The following PARD3 variants were observed in gnomAD, a reference collection of about 807,000 sequenced individuals.
PARD3 encodes partitioning defective 3 homolog.
In PARD3, 75 loss-of-function variants were observed where a neutral mutation model predicts 155.4. That is an observed-to-expected ratio of 0.48 (90% CI 0.40 to 0.58). The LOEUF (loss-of-function observed/expected upper bound fraction) is 0.58. Ranked by LOEUF, PARD3 falls within the 20% of genes least tolerant of loss-of-function variation. The probability of loss-of-function intolerance (pLI) is 0.00; values close to 1 mark genes in which losing one functional copy is unlikely to be tolerated. For missense variants in PARD3, 1,642 were observed against 1,721.7 expected (o/e 0.95, Z 0.82); for synonymous variants, 576 against 610.5 (o/e 0.94, Z 0.83).
At chr10:34,506,074 C>A (rs7923471) in intron 3 of PARD3, among the ~76,000 whole-genome samples, 4 of 151,724 alleles carry the variant, frequency 2.6e-5, no homozygotes, top group African/African-American at 9.7e-5. Context: ...CGCGGTGAGC[C>A]GAGATGGCAC....
intron 3 of PARD3, among the ~76,000 whole-genome samples, chr10:34,516,100 G>A (rs2081734092): frequency 1.3e-5 from 2 of 151,990 alleles, no homozygotes; most frequent in Non-Finnish European, 2.9e-5. Context: ...AAGTAGCTGG[G>A]ATTACAGGCA....
intron 2 of PARD3, among the ~76,000 whole-genome samples, chr10:34,686,319 A>G (rs774127286): frequency 9.2e-5 from 14 of 152,066 alleles, no homozygotes; most frequent in Non-Finnish European, 1.8e-4. Context: ...TACATACTCA[A>G]GTTGCTTTTA....
At chr10:34,406,440 C>G (rs1472361762) in intron 5 of PARD3, among the ~76,000 whole-genome samples, 1 of 152,142 alleles carries the variant, frequency 6.6e-6, no homozygotes, top group Non-Finnish European at 1.5e-5. Flanking sequence ...TTTAAGGAAG[C>G]AGAAACCAGT....
At chr10:34,488,067 G>A (rs1252011151) in intron 3 of PARD3, among the ~76,000 whole-genome samples, 1 of 152,006 alleles carries the variant, frequency 6.6e-6, no homozygotes, top group Non-Finnish European at 1.5e-5. Flanking sequence ...TCTCTTACCT[G>A]GGGACTAGCA....
intron 20 of PARD3, among the ~76,000 whole-genome samples, chr10:34,289,684 T>C (rs1470570738): frequency 6.6e-6 from 1 of 152,190 alleles, no homozygotes; most frequent in Non-Finnish European, 1.5e-5. Context: ...TCCTGTCTTA[T>C]TCAGAGCAGA....
At chr10:34,584,829 G>A (rs2087854227) in intron 2 of PARD3, among the ~76,000 whole-genome samples, 1 of 152,058 alleles carries the variant, frequency 6.6e-6, no homozygotes, top group Admixed American at 6.6e-5. Flanking sequence ...TTCGTTACAT[G>A]GAATAAAACA....
chr10:34,338,044 G>A (rs1836384470), intron 16 of PARD3, among the ~76,000 whole-genome samples: 1 of 152,174 alleles, frequency 6.6e-6, no homozygotes, highest in Admixed American at 6.5e-5. Flanking sequence ...CCAAATAACA[G>A]ATAAGAAAGA....
At chr10:34,520,096 A>G (rs963699187) in intron 2 of PARD3, among the ~76,000 whole-genome samples, 1 of 152,182 alleles carries the variant, frequency 6.6e-6, no homozygotes, top group Non-Finnish European at 1.5e-5. Flanking sequence ...AGAAACGCGA[A>G]TGTACAGAAT....
chr10:34,411,747 G>C (rs1466304548), intron 5 of PARD3, among the ~76,000 whole-genome samples: 1 of 143,336 alleles, frequency 7.0e-6, no homozygotes, highest in African/African-American at 3.0e-5. Context: ...TAGATAGATA[G>C]ATAGATAGAT....
At chr10:34,499,731 G>A (rs975504206) in intron 3 of PARD3, among the ~76,000 whole-genome samples, 5 of 152,154 alleles carry the variant, frequency 3.3e-5, no homozygotes, top group Non-Finnish European at 5.9e-5. Flanking sequence ...AAGACCATGC[G>A]GCCCTTCCTT....
chr10:34,507,548 C>CAAAAAAAAAAAACAAAAAAAAAAAA (rs772632460), intron 3 of PARD3, among the ~76,000 whole-genome samples: 1 of 42,982 alleles, frequency 2.3e-5, no homozygotes, highest in African/African-American at 1.1e-4. Context: ...ATTAAAAAAA[C>CAAAAAAAAAAAACAAAAAAAAAAAA]AAAAAAAAAA....
At chr10:34,639,121 T>C (rs992270153) in intron 2 of PARD3, among the ~76,000 whole-genome samples, 19 of 152,062 alleles carry the variant, frequency 1.2e-4, no homozygotes, top group Admixed American at 2.6e-4. Context: ...TACACCTGGG[T>C]GCAGTGGCTC....
intron 15 of PARD3, chr10:34,344,372 T>A: frequency 1.3e-6 from 1 of 786,048 alleles, no homozygotes; most frequent in Non-Finnish European, 1.5e-6. Flanking sequence ...AAGCTCTGCC[T>A]CCTGGGTTTA....
At chr10:34,197,190 C>T (rs1233070729) in intron 22 of PARD3, among the ~76,000 whole-genome samples, 4 of 152,170 alleles carry the variant, frequency 2.6e-5, no homozygotes, top group Admixed American at 2.0e-4. Context: ...TAATCTTAAA[C>T]GATCTATCAC....
intron 14 of PARD3, among the ~76,000 whole-genome samples, chr10:34,348,923 A>G (rs143653397): frequency 9.2e-5 from 14 of 152,372 alleles, no homozygotes; most frequent in African/African-American, 2.9e-4. Context: ...GCTGTGTCTA[A>G]TAAGTCATAT....
chr10:34,793,062 C>T (rs1217434041), intron 1 of PARD3, among the ~76,000 whole-genome samples: 1 of 152,166 alleles, frequency 6.6e-6, no homozygotes, highest in Non-Finnish European at 1.5e-5. Context: ...GGTGTGGGCT[C>T]CAGCAGTGGC....
intron 22 of PARD3, among the ~76,000 whole-genome samples, chr10:34,249,010 A>G (rs1315991735): frequency 6.6e-6 from 1 of 152,206 alleles, no homozygotes; most frequent in Non-Finnish European, 1.5e-5. Flanking sequence ...AGATATTTAT[A>G]TTGGTGGCTC....
chr10:34,629,255 A>G (rs531586696), intron 2 of PARD3, among the ~76,000 whole-genome samples: 1 of 152,362 alleles, frequency 6.6e-6, no homozygotes, highest in African/African-American at 2.4e-5. Flanking sequence ...GCAGTTCAAT[A>G]AAACCTGTTA....
chr10:34,428,276 T>C (rs2075726676), intron 5 of PARD3, among the ~76,000 whole-genome samples: 1 of 152,230 alleles, frequency 6.6e-6, no homozygotes, highest in African/African-American at 2.4e-5. Context: ...AGCCTAGTCG[T>C]AAGAGACAAT....
Sources: gnomAD v4.1 joint callset for allele counts (sites outside exome capture counted in the v4.1 genomes callset) on GRCh38, gnomAD v4.1.1 for gene constraint, MANE v1.5 for transcripts, NCBI Gene and HGNC (gene_info 2026-07-23, HGNC 2026-07-21) for gene names.